The following IGSF3 variants were observed in gnomAD, a reference collection of about 807,000 sequenced individuals.
The protein encoded by IGSF3 is immunoglobulin superfamily member 3, also known as glu-Trp-Ile EWI motif-containing protein 3.
Under a neutral mutation model 114.4 loss-of-function variants are expected in IGSF3, and 23 were observed. The observed-to-expected ratio is 0.20, with a 90% CI of 0.14 to 0.28. The LOEUF is 0.28. Among genes scored for constraint, IGSF3 ranks in the 10% least tolerant of loss-of-function variants. The probability of loss-of-function intolerance (pLI) is 1.00; values close to 1 mark genes in which losing one functional copy is unlikely to be tolerated. For missense variants in IGSF3, 1,172 were observed against 1,591.5 expected, an observed-to-expected ratio of 0.74 and a Z score of 4.48; for synonymous variants, 571 against 645.2, an observed-to-expected ratio of 0.88 and a Z score of 1.74.
At chr1:116,619,610 C>A (rs1232494286) in intron 2 of IGSF3, among the ~76,000 whole-genome samples, 2 of 152,118 alleles carry the variant, frequency 1.3e-5, no homozygotes, top group Non-Finnish European at 2.9e-5. Flanking sequence ...TCCACACATC[C>A]CACCCCACCA....
rs1455209796 is a variant in IGSF3, at chr1:116,644,932, G to A, written c.43+21352C>T. Among the ~76,000 whole-genome samples the A allele has an allele frequency of 2.6e-5, 4 of 152,194 alleles. No individual in the cohort carries two copies. Among genetic ancestry groups the A allele is most frequent in the Non-Finnish European group, 5.9e-5 (4 of 68,036 alleles). On this transcript the variant is annotated intron_variant, in intron 2 of 10. Coordinates refer to ENST00000369486, the MANE Select transcript of IGSF3 (RefSeq NM_001007237.3). The surrounding 1 kb of genome is among the most constrained non-coding windows in gnomAD (Gnocchi z 5.6). ...TTCATACATGGCTGGTGGGGAGGTAGGATGGTGCAGCCACTTTGGAAAACA... is the reference window on the plus strand; with the variant it reads ...TTCATACATGGCTGGTGGGGAGGTAAGATGGTGCAGCCACTTTGGAAAACA...
rs1373369557 is a variant in IGSF3 at position 116,665,648 on chromosome 1, A to G, written c.43+636T>C. Among the ~76,000 whole-genome samples the G allele has an allele frequency of 6.6e-6, 1 of 152,046 alleles. No individual in the cohort carries two copies. The highest frequency in any genetic ancestry group is 1.5e-5 in the Non-Finnish European group (1 of 68,008). On this transcript the variant is annotated intron_variant, in intron 2 of 10. Transcript: ENST00000369486. This position sits in a 1 kb window ranked among gnomAD's most constrained non-coding sequence, Gnocchi z 4.0. Reference sequence around the variant, plus strand: ...GGCATTCTGATTTGTGGGAGCACAAAAGCCAATCCTAAAATCTCCCCTACC... The same window carrying G: ...GGCATTCTGATTTGTGGGAGCACAAGAGCCAATCCTAAAATCTCCCCTACC...
intron 9 of IGSF3, among the ~76,000 whole-genome samples, chr1:116,581,010 T>C (rs912164014): frequency 2.6e-5 from 4 of 152,254 alleles, no homozygotes; most frequent in Non-Finnish European, 5.9e-5. Context: ...ATCAAGTTTA[T>C]ACTAATTTGT....
intron 1 of IGSF3, 77 bp from the exon 2 acceptor site, chr1:116,667,033 G>A (rs1186233380): frequency 2.5e-6 from 1 of 394,472 alleles, no homozygotes; most frequent in Non-Finnish European, 4.5e-6. Flanking sequence ...GAGCTGGTCC[G>A]GACACCTGGG....
chr1:116,623,373 G>A (rs1311382090), intron 2 of IGSF3, among the ~76,000 whole-genome samples: 1 of 152,182 alleles, frequency 6.6e-6, no homozygotes, highest in African/African-American at 2.4e-5. Flanking sequence ...GAGTTAGGGA[G>A]TAAATGAAGC....
rs1659341172 is a variant in IGSF3 at position 116,576,321 on chromosome 1, A to C, written c.*991T>G. 1 of 152,634 alleles carries C rather than the reference A, an allele frequency of 6.6e-6. No homozygotes were observed. Among genetic ancestry groups the C allele is most frequent in the East Asian group, 1.9e-4 (1 of 5,196 alleles). The allele number at this position is 152,634 out of a possible 1,614,324, so 9.5% of individuals were successfully genotyped here. A position where few individuals can be genotyped will look rare whatever the true frequency, so the allele number is the denominator to read the frequency against. On this transcript the variant is annotated 3_prime_UTR_variant, in exon 11 of 11. Coordinates refer to ENST00000369486, the MANE Select transcript of IGSF3 (RefSeq NM_001007237.3). This position sits in a 1 kb window ranked among gnomAD's most constrained non-coding sequence, Gnocchi z 4.6. ...AGTTCACTGGACACTTTCTTTTAAG[A>C]GTTTGGCAAAGCACCTGAAGACACA...
In IGSF3 at chr1:116,614,190, T is replaced by C. The variant is rs981692741; in HGVS notation, c.422-15A>G. 1.9e-6 allele frequency: 3 copies of C among 1,599,776 alleles called. No individual in the cohort carries two copies. Among genetic ancestry groups the C allele is most frequent in the Admixed American group, 3.3e-5 (2 of 59,802 alleles). The stretch of plus-strand genomic sequence containing the variant: ...GTCTGGGATCACTGCAACACAGAAA[T>C]GTCCTGAGAGTGCAGTCACAAAGCC... On this transcript the variant is annotated splice_polypyrimidine_tract_variant and intron_variant, in intron 3 of 10. Coordinates refer to ENST00000369486, the MANE Select transcript of IGSF3 (RefSeq NM_001007237.3). The surrounding 1 kb of genome is among the most constrained non-coding windows in gnomAD (Gnocchi z 4.5).
rs1330316345 is a variant in IGSF3, at chr1:116,615,203, G to C, written c.421+877C>G. Among the ~76,000 whole-genome samples, 1 of 152,030 alleles carries C rather than the reference G, an allele frequency of 6.6e-6. No homozygotes were observed. Among genetic ancestry groups the C allele is most frequent in the Non-Finnish European group, 1.5e-5 (1 of 68,022 alleles). On this transcript the variant is annotated intron_variant, in intron 3 of 10. Transcript: ENST00000369486. This position sits in a 1 kb window ranked among gnomAD's most constrained non-coding sequence, Gnocchi z 4.3. The stretch of plus-strand genomic sequence containing the variant: ...GCAGAAGAATTGCTTGAACCCGGGA[G>C]GTGGAGGTTGCAGTGAGCCAAGATC...
chr1:116,659,389 C>A lies in IGSF3; in HGVS notation c.43+6895G>T, dbSNP rs1256922753. On this transcript the variant is annotated intron_variant, in intron 2 of 10. Coordinates refer to ENST00000369486, the MANE Select transcript of IGSF3 (RefSeq NM_001007237.3). ...ACAATTAGTCAGTTAATAAAGGGTT[C>A]TTGATGAGAGAATTTGGCAACATGT... is the stretch of plus-strand genomic sequence containing the variant. Among the ~76,000 whole-genome samples, 3 of 152,062 alleles carry A rather than the reference C, an allele frequency of 2.0e-5. No homozygotes were observed. In the East Asian group the frequency reaches 5.8e-4, roughly 29 times the overall value.
intron 2 of IGSF3, among the ~76,000 whole-genome samples, chr1:116,619,522 C>G (rs1661341915): frequency 6.6e-6 from 1 of 152,230 alleles, no homozygotes; most frequent in Admixed American, 6.5e-5. Context: ...CTCTGCCCCA[C>G]AAAGGGCTTC....
At chr1:116,639,477 C>T (rs1177232487) in intron 2 of IGSF3, among the ~76,000 whole-genome samples, 2 of 152,230 alleles carry the variant, frequency 1.3e-5, no homozygotes. Context: ...CAGGTCCCAA[C>T]CACCTGCAGA....
rs752995499 is a variant in IGSF3 at position 116,584,632 on chromosome 1, C to T, written c.2848+13G>A. Reference sequence around the variant, plus strand: ...ACCAGAGGGAGTGGAAGCTTGGGGACGTGGACCCTCACCTGGTCGCATGAC... The same window carrying T: ...ACCAGAGGGAGTGGAAGCTTGGGGATGTGGACCCTCACCTGGTCGCATGAC... On this transcript the variant is annotated intron_variant, in intron 9 of 10. Coordinates refer to ENST00000369486, the MANE Select transcript of IGSF3 (RefSeq NM_001007237.3). This position sits in a 1 kb window ranked among gnomAD's most constrained non-coding sequence, Gnocchi z 5.8. 1.4e-5 allele frequency: 23 copies of T among 1,613,692 alleles called. No individual in the cohort carries two copies. The highest frequency in any genetic ancestry group is 1.3e-4 in the East Asian group (6 of 44,902).
In IGSF3 at chr1:116,579,663, G is replaced by GTCT. The variant is rs576658823; in HGVS notation, c.3062_3063insAGA (p.Asp1020_Asp1021insGlu). 1.9e-6 allele frequency: 3 copies of GTCT among 1,565,066 alleles called. No homozygotes were observed. Among genetic ancestry groups the GTCT allele is most frequent in the Non-Finnish European group, 2.6e-6 (3 of 1,142,312 alleles). ...GCTCTGTTGGGTCGTCGTCGTCGTC[G>GTCT]TCGTCCTCCTCCTCCTCCTCCTCCC... On this transcript the variant is annotated inframe_insertion, in exon 10 of 11. Coordinates refer to ENST00000369486, the MANE Select transcript of IGSF3 (RefSeq NM_001007237.3). This position sits in a 1 kb window ranked among gnomAD's most constrained non-coding sequence, Gnocchi z 6.4.
intron 7 of IGSF3, among the ~76,000 whole-genome samples, chr1:116,590,618 C>T (rs1214400638): frequency 6.6e-6 from 1 of 152,146 alleles, no homozygotes; most frequent in Non-Finnish European, 1.5e-5. Context: ...GGCCAGGCTC[C>T]AGCACTCTAC....
rs1659805016 is a variant in IGSF3 at position 116,585,554 on chromosome 1, T to C, written c.2441-502A>G. ...TCTGTTCATGTGTTAGCCCTACGAATTGTAGTCCAACATCCTTACAAAAAC... is the reference window on the plus strand; with the variant it reads ...TCTGTTCATGTGTTAGCCCTACGAACTGTAGTCCAACATCCTTACAAAAAC... On this transcript the variant is annotated intron_variant, in intron 8 of 10. Transcript: ENST00000369486. This position sits in a 1 kb window ranked among gnomAD's most constrained non-coding sequence, Gnocchi z 4.9. Among the ~76,000 whole-genome samples the C allele has an allele frequency of 1.3e-5, 2 of 152,202 alleles. No homozygotes were observed. Among genetic ancestry groups the C allele is most frequent in the Non-Finnish European group, 2.9e-5 (2 of 68,028 alleles).
At position 116,598,590 on chromosome 1, in the gene IGSF3, G is replaced by A. The variant is rs1466022342; in HGVS notation, c.2029+1351C>T. ...TATTTAACCTCACGTTGCTGAAAAC[G>A]ACACTGTGGCCACCTAAAGCAGTCA... On this transcript the variant is annotated intron_variant, in intron 7 of 10. Coordinates refer to ENST00000369486, the MANE Select transcript of IGSF3 (RefSeq NM_001007237.3). The surrounding 1 kb of genome is among the most constrained non-coding windows in gnomAD (Gnocchi z 4.3). 1.3e-5 allele frequency among the ~76,000 whole-genome samples: 2 copies of A among 152,198 alleles called. No homozygotes were observed. Among genetic ancestry groups the A allele is most frequent in the Admixed American group, 1.3e-4 (2 of 15,278 alleles).
Position 116,594,070 on chromosome 1 carries a change from G to T in IGSF3, c.2030-4966C>A, listed in dbSNP as rs991725992. 2.6e-5 allele frequency among the ~76,000 whole-genome samples: 4 copies of T among 152,110 alleles called. No homozygotes were observed. Among genetic ancestry groups the T allele is most frequent in the African/African-American group, 9.7e-5 (4 of 41,408 alleles). On this transcript the variant is annotated intron_variant, in intron 7 of 10. Transcript: ENST00000369486. The surrounding 1 kb of genome is among the most constrained non-coding windows in gnomAD (Gnocchi z 5.2). ...AAATATGCCAGGTCAGTCAAGAGAGGATTTTCCTTTGTTTTGTTCAGAATT... is the reference window on the plus strand; with the variant it reads ...AAATATGCCAGGTCAGTCAAGAGAGTATTTTCCTTTGTTTTGTTCAGAATT...
intron 7 of IGSF3, among the ~76,000 whole-genome samples, 187 bp downstream of exon 7, chr1:116,599,754 C>G (rs1660492342): frequency 6.6e-6 from 1 of 152,212 alleles, no homozygotes; most frequent in African/African-American, 2.4e-5. Context: ...CAACAACTGG[C>G]TATCAAGGAA....
chr1:116,590,620 G>A (rs1352946533), intron 7 of IGSF3, among the ~76,000 whole-genome samples: 2 of 152,280 alleles, frequency 1.3e-5, no homozygotes, highest in East Asian at 3.9e-4. Flanking sequence ...CCAGGCTCCA[G>A]CACTCTACTG....
Sources: gnomAD v4.1 joint callset for allele counts (sites outside exome capture counted in the v4.1 genomes callset) on GRCh38, gnomAD v4.1.1 for gene constraint, Gnocchi (gnomAD v3.1) non-coding constraint, MANE v1.5 for transcripts, NCBI Gene and HGNC (gene_info 2026-07-23, HGNC 2026-07-21) for gene names.